Variants in ASAP1 observed in about 807,000 individuals in gnomAD.
The protein encoded by ASAP1 is arf-GAP with SH3 domain, ANK repeat and PH domain-containing protein 1.
In ASAP1, 43 loss-of-function variants were observed where a neutral mutation model predicts 145.2. That is an observed-to-expected ratio of 0.30 (90% confidence interval 0.23 to 0.38). The LOEUF (loss-of-function observed/expected upper bound fraction) is 0.38. ASAP1 is among the 10% of genes least tolerant of loss of function. The pLI is 1.00. For missense variants in ASAP1, 1,018 were observed against 1,355.3 expected (o/e 0.75, Z 3.91); for synonymous variants, 546 against 515.5 (o/e 1.06, Z -0.80).
Position 130,179,265 on chromosome 8 carries a change from T to C in ASAP1, c.745A>G (p.Asn249Asp). The C allele has an allele frequency of 6.3e-7, 1 of 1,592,324 alleles. No homozygotes were observed. Among genetic ancestry groups the C allele is most frequent in the Non-Finnish European group, 8.6e-7 (1 of 1,160,582 alleles). The change falls in exon 9 of 30, where the codon AAT (asparagine) becomes GAT (aspartate). Residue 249 changes from asparagine to aspartate, a missense_variant and splice_region_variant. Physicochemically the swap from Asn to Asp is conservative, Grantham distance 23 (BLOSUM62 1). Coordinates refer to ENST00000518721, the MANE Select transcript of ASAP1 (RefSeq NM_018482.4). ...CAATGCTTGCAATATTCTACTCACT[T>C]GCACTGTGCATGGTAATACTTTATA... ...NLIKYYHAQC[N>D]FFQDGLKTAD...
At position 130,053,643 on chromosome 8, in the gene ASAP1, G is replaced by A. The variant is rs2097397646; in HGVS notation, c.*1088C>T. The A allele has an allele frequency of 3.3e-5, 5 of 152,194 alleles. No individual in the cohort carries two copies. In the South Asian group the frequency reaches 1.0e-3, roughly 31 times the overall value. The allele number at this position is 152,194 out of a possible 1,614,324, so 9.4% of individuals were successfully genotyped here. On this transcript the variant is annotated 3_prime_UTR_variant, in exon 30 of 30. Coordinates refer to ENST00000518721, the MANE Select transcript of ASAP1 (RefSeq NM_018482.4). ...CAGTAGGGAAACTGTGTGAAGGGTT[G>A]ACTTTTAAATTCATCTTGAATAATC...
At chr8:130,373,105 T>TACACAC (rs200531646) in intron 2 of ASAP1, among the ~76,000 whole-genome samples, 7 of 18,458 alleles carry the variant, frequency 3.8e-4, no homozygotes, top group Non-Finnish European at 5.8e-4. Context: ...CACACAGAAA[T>TACACAC]ACATATACAC....
At chr8:130,167,241 A>G (rs966353322) in intron 11 of ASAP1, among the ~76,000 whole-genome samples, 4 of 152,068 alleles carry the variant, frequency 2.6e-5, no homozygotes, top group South Asian at 2.1e-4. Flanking sequence ...GCGATGAGCC[A>G]TAAGTGTGCC....
chr8:130,083,220 C>T (rs1451375891), intron 25 of ASAP1: 1 of 152,206 alleles, frequency 6.6e-6, no homozygotes, highest in Non-Finnish European at 1.5e-5. Flanking sequence ...TAACCTTACT[C>T]TTTGGCTTCT....
chr8:130,072,824 T>TGCGTGTGCGCGCGCGCGCGCGCGC (rs1554816413), intron 27 of ASAP1, among the ~76,000 whole-genome samples: 1 of 32,282 alleles, frequency 3.1e-5, no homozygotes, highest in African/African-American at 1.2e-4. Flanking sequence ...TGTGTGTGTG[T>TGCGTGTGCGCGCGCGCGCGCGCGC]GCGCGCGGGG....
intron 2 of ASAP1, among the ~76,000 whole-genome samples, chr8:130,372,778 C>T (rs1586927332): frequency 6.6e-6 from 1 of 152,114 alleles, no homozygotes; most frequent in East Asian, 1.9e-4. Context: ...CAGGCTGTTG[C>T]CTGAGAGAGA....
At chr8:130,299,394 A>G (rs894004735) in intron 3 of ASAP1, among the ~76,000 whole-genome samples, 1 of 152,248 alleles carries the variant, frequency 6.6e-6, no homozygotes, top group Non-Finnish European at 1.5e-5. Flanking sequence ...GTAGGTCACA[A>G]ATAAACTCAG....
At position 130,214,537 on chromosome 8, in the gene ASAP1, C is replaced by A; in HGVS notation, c.405+19G>T. On this transcript the variant is annotated intron_variant, in intron 5 of 29. Coordinates refer to ENST00000518721, the MANE Select transcript of ASAP1 (RefSeq NM_018482.4). Reference sequence around the variant, plus strand: ...TGGAAAGGCTGTAATTCTTTTTACTCACATATGAAATGTCTTACCAGATTT... The same window carrying A: ...TGGAAAGGCTGTAATTCTTTTTACTAACATATGAAATGTCTTACCAGATTT... 1 of 1,571,762 alleles carries A rather than the reference C, an allele frequency of 6.4e-7. No homozygotes were observed. The highest frequency in any genetic ancestry group is 8.6e-7 in the Non-Finnish European group (1 of 1,161,448).
At chr8:130,135,417 T>C (rs1002420850) in intron 14 of ASAP1, among the ~76,000 whole-genome samples, 1 of 151,974 alleles carries the variant, frequency 6.6e-6, no homozygotes, top group Non-Finnish European at 1.5e-5. Flanking sequence ...CCCAGGAGGT[T>C]GAGGCTGCAG....
At chr8:130,149,515 T>G (rs1341817281) in intron 13 of ASAP1, among the ~76,000 whole-genome samples, 2 of 152,052 alleles carry the variant, frequency 1.3e-5, no homozygotes, top group Non-Finnish European at 2.9e-5. Context: ...CTTGCTTGGG[T>G]GGCCAAGCCA....
intron 3 of ASAP1, among the ~76,000 whole-genome samples, chr8:130,344,688 G>A (rs1210004731): frequency 6.6e-6 from 1 of 152,148 alleles, no homozygotes; most frequent in Non-Finnish European, 1.5e-5. Flanking sequence ...AAGTAAGCAT[G>A]ATTATGTCAC....
intron 12 of ASAP1, among the ~76,000 whole-genome samples, chr8:130,155,524 G>A (rs191048113): frequency 2.0e-5 from 3 of 152,270 alleles, no homozygotes; most frequent in South Asian, 2.1e-4. Context: ...GTGCCACTAC[G>A]CCTGGCTAAT....
chr8:130,173,542 G>A lies in ASAP1; in HGVS notation c.747-4475C>T, dbSNP rs1315878744. Among the ~76,000 whole-genome samples the A allele has an allele frequency of 9.9e-5, 15 of 152,158 alleles. 1 individual carries two copies. The highest frequency in any genetic ancestry group is 9.2e-4 in the Admixed American group (14 of 15,272). ...GCACTTTGGGGGGCCAAGGCAGGAC[G>A]ATTGCTTGAGCCCAGGAGTTTGAGA... is the stretch of plus-strand genomic sequence containing the variant. On this transcript the variant is annotated intron_variant, in intron 9 of 29. Coordinates refer to ENST00000518721, the MANE Select transcript of ASAP1 (RefSeq NM_018482.4).
chr8:130,242,261 TAAAAAAAAAAAA>T (rs571916495), intron 3 of ASAP1, among the ~76,000 whole-genome samples: 1 of 85,336 alleles, frequency 1.2e-5, no homozygotes, highest in South Asian at 4.8e-4. Context: ...GTGATTTCCT[TAAAAAAAAAAAA>T]AAAAAAAAAA....
intron 3 of ASAP1, among the ~76,000 whole-genome samples, chr8:130,271,409 T>C (rs1374244589): frequency 6.6e-6 from 1 of 152,238 alleles, no homozygotes; most frequent in Non-Finnish European, 1.5e-5. Context: ...TGTTTTTCTT[T>C]ACCAAGAAAT....
intron 2 of ASAP1, among the ~76,000 whole-genome samples, chr8:130,366,245 A>T (rs76705286): frequency 8.5e-5 from 13 of 152,192 alleles, no homozygotes; most frequent in Non-Finnish European, 1.3e-4. Context: ...ATTGCCTACT[A>T]TTTAAAAATT....
chr8:130,202,361 A>T (rs1815920049), intron 5 of ASAP1, among the ~76,000 whole-genome samples: 1 of 152,078 alleles, frequency 6.6e-6, no homozygotes, highest in African/African-American at 2.4e-5. Context: ...TGTAAAATTA[A>T]GTAGTGCTTT....
intron 2 of ASAP1, among the ~76,000 whole-genome samples, chr8:130,382,008 C>T (rs921886080): frequency 2.0e-5 from 3 of 152,086 alleles, no homozygotes; most frequent in Non-Finnish European, 4.4e-5. Flanking sequence ...TTGTTCAGGC[C>T]GAGCATGGTG....
intron 2 of ASAP1, chr8:130,386,691 C>T (rs2138440463): frequency 6.6e-6 from 1 of 152,332 alleles, no homozygotes; most frequent in Admixed American, 6.5e-5. Flanking sequence ...GTCTGTGGCT[C>T]GGGAGTCTAA....
Sources: allele counts gnomAD v4.1 joint callset (sites outside exome capture counted in the v4.1 genomes callset), GRCh38; gene constraint gnomAD v4.1.1; transcripts MANE v1.5; gene names NCBI Gene and HGNC (gene_info 2026-07-23, HGNC 2026-07-21).